The following PARL variants were observed in gnomAD, a reference collection of about 807,000 sequenced individuals.
PARL encodes presenilin associated rhomboid like.
Under a neutral mutation model 51.6 loss-of-function variants are expected in PARL, and 44 were observed. The observed-to-expected ratio is 0.85, with a 90% CI of 0.67 to 1.10. PARL has a LOEUF of 1.10. Ranked by LOEUF, PARL falls within the 50% of genes least tolerant of loss-of-function variation. The probability of loss-of-function intolerance (pLI) is 0.00; values close to 1 mark genes in which losing one functional copy is unlikely to be tolerated. For synonymous variants in PARL, 172 were observed against 164.0 expected, an observed-to-expected ratio of 1.05 and a Z score of -0.37; for missense variants, 441 against 469.5, an observed-to-expected ratio of 0.94 and a Z score of 0.56.
chr3:183,831,492 T>C (rs1446647727), intron 9 of PARL, among the ~76,000 whole-genome samples: 2 of 152,256 alleles, frequency 1.3e-5, no homozygotes, highest in Admixed American at 1.3e-4. Context: ...AATTGTTACT[T>C]GTGTGACCTG....
chr3:183,857,037 A>T (rs1044989804), intron 4 of PARL, among the ~76,000 whole-genome samples: 2 of 152,192 alleles, frequency 1.3e-5, no homozygotes, highest in African/African-American at 4.8e-5. Context: ...GTTAAATAAT[A>T]CTCATTTACA....
At chr3:183,873,461 C>T (rs1034293756) in intron 1 of PARL, among the ~76,000 whole-genome samples, 1 of 152,000 alleles carries the variant, frequency 6.6e-6, no homozygotes, top group Non-Finnish European at 1.5e-5. Flanking sequence ...CTCTCTAGAA[C>T]CCAGGAGGCA....
At chr3:183,872,734 T>C (rs1457450787) in intron 1 of PARL, among the ~76,000 whole-genome samples, 1 of 152,100 alleles carries the variant, frequency 6.6e-6, no homozygotes, top group Non-Finnish European at 1.5e-5. Context: ...AAATGAAACA[T>C]AAGAATTTTT....
rs764308171 is a variant in PARL at position 183,833,810 on chromosome 3, T to C, written c.844A>G (p.Thr282Ala). The C allele has an allele frequency of 6.2e-7, 1 of 1,610,926 alleles. No homozygotes were observed. Among genetic ancestry groups the C allele is most frequent in the South Asian group, 1.1e-5 (1 of 91,042 alleles). The change falls in exon 8 of 10, where the codon ACA becomes GCA. Residue 282 changes from threonine (T) to alanine (A), a missense_variant. Thr to Ala is a moderately conservative substitution (Grantham distance 58, BLOSUM62 0). Coordinates refer to ENST00000317096, the MANE Select transcript of PARL (RefSeq NM_018622.7). ...TTAGTGCAGACAGCTGCGAGGACTGTCATGATGGCACCAGACTGCAAAGTA... is the reference window on the plus strand; with the variant it reads ...TTAGTGCAGACAGCTGCGAGGACTGCCATGATGGCACCAGACTGCAAAGTA... The part of the protein sequence containing the change: ...PSLGASGAIM[T>A]VLAAVCTKIP...
intron 4 of PARL, among the ~76,000 whole-genome samples, chr3:183,852,163 A>G (rs1052514372): frequency 2.0e-5 from 3 of 152,188 alleles, no homozygotes; most frequent in African/African-American, 7.2e-5. Flanking sequence ...TCTCAAAAAA[A>G]TTAAAAACAG....
At chr3:183,846,050 T>C (rs187944810) in intron 4 of PARL, among the ~76,000 whole-genome samples, 3 of 152,108 alleles carry the variant, frequency 2.0e-5, no homozygotes, top group Non-Finnish European at 4.4e-5. Context: ...CTACTCTGCT[T>C]CCTCTGTCAG....
chr3:183,868,016 G>C lies in PARL; in HGVS notation c.170C>G (p.Pro57Arg), dbSNP rs768265570. Residue 57 changes from proline to arginine, a missense_variant, in exon 2 of 10, where the codon CCC becomes CGC. Transcript: ENST00000317096. ...IQQKCGFRKA[P>R]RKVEPRRSDP... ...TGATCTTCGAGGTTCAACCTTCCTG[G>C]GTGCTTTTCTGAATCCGCATTTTTG... 5.0e-6 allele frequency: 8 copies of C among 1,613,924 alleles called. No homozygotes were observed. The highest frequency in any genetic ancestry group is 1.3e-5 in the African/African-American group (1 of 74,878).
chr3:183,860,874 G>C (rs988210038), intron 4 of PARL, among the ~76,000 whole-genome samples: 1 of 146,056 alleles, frequency 6.8e-6, no homozygotes, highest in Non-Finnish European at 1.5e-5. Context: ...GGAGTGCAGT[G>C]GCGCAATCTT....
chr3:183,861,129 A>G, intron 4 of PARL: 3 of 348,176 alleles, frequency 8.6e-6, no homozygotes, highest in Non-Finnish European at 1.2e-5. Flanking sequence ...TTACTTTCAT[A>G]AAAGAAGCAA....
chr3:183,844,043 A>C (rs1729658949), intron 5 of PARL, among the ~76,000 whole-genome samples, 188 bp downstream of exon 5: 1 of 152,202 alleles, frequency 6.6e-6, no homozygotes, highest in Admixed American at 6.5e-5. Flanking sequence ...CGTCTCAAAA[A>C]AAACAAAGAA....
chr3:183,827,296 T>G (rs939270666), downstream of PARL, among the ~76,000 whole-genome samples: 1 of 151,806 alleles, frequency 6.6e-6, no homozygotes, highest in Non-Finnish European at 1.5e-5. Flanking sequence ...TACAAAAAAC[T>G]TTTAAAAATT....
intron 4 of PARL, among the ~76,000 whole-genome samples, chr3:183,853,799 G>C (rs1730823217): frequency 6.6e-6 from 1 of 152,178 alleles, no homozygotes; most frequent in Admixed American, 6.6e-5. Context: ...ACAAATGTTG[G>C]CAAGAATGTG....
In PARL at chr3:183,833,596, G is replaced by A. The variant is rs994483674; in HGVS notation, c.931-7C>T. ...CGATAATGGCTTTCAGGGCCTGAAAGGCAGCAAGAAACAAGCGGCACAACT... is the reference window on the plus strand; with the variant it reads ...CGATAATGGCTTTCAGGGCCTGAAAAGCAGCAAGAAACAAGCGGCACAACT... On this transcript the variant is annotated splice_region_variant and splice_polypyrimidine_tract_variant and intron_variant, in intron 8 of 9. Transcript: ENST00000317096. 6.2e-7 allele frequency: 1 copy of A among 1,604,254 alleles called. No homozygotes were observed. Among genetic ancestry groups the A allele is most frequent in the Non-Finnish European group, 8.5e-7 (1 of 1,170,934 alleles).
At chr3:183,830,725 A>T (rs1365746849) in intron 9 of PARL, among the ~76,000 whole-genome samples, 2 of 152,182 alleles carry the variant, frequency 1.3e-5, no homozygotes, top group Admixed American at 1.3e-4. Flanking sequence ...TTAATATTTT[A>T]AAAATGTTCT....
At chr3:183,878,032 C>A (rs1236909211) in intron 1 of PARL, among the ~76,000 whole-genome samples, 2 of 152,174 alleles carry the variant, frequency 1.3e-5, no homozygotes, top group Non-Finnish European at 2.9e-5. Flanking sequence ...CTCAAGTGAT[C>A]CACCCGCCTT....
chr3:183,865,811 C>T (rs1014134143), intron 3 of PARL, among the ~76,000 whole-genome samples: 6 of 152,106 alleles, frequency 3.9e-5, no homozygotes, highest in Admixed American at 6.5e-5. Context: ...CCACTGAGAT[C>T]CTTAAACTTT....
chr3:183,868,113 A>G, intron 1 of PARL, 53 bp from the exon 2 acceptor site: 1 of 1,304,024 alleles, frequency 7.7e-7, no homozygotes, highest in South Asian at 1.2e-5. Context: ...GCAAATATCA[A>G]CTTCTATGAA....
intron 1 of PARL, among the ~76,000 whole-genome samples, chr3:183,882,365 A>C: frequency 1.4e-5 from 2 of 143,072 alleles, no homozygotes; most frequent in African/African-American, 2.6e-5. Context: ...ATATGCACAT[A>C]TATACACACA....
Position 183,884,856 on chromosome 3 carries a change from C to T in PARL, c.-10G>A, listed in dbSNP as rs1326249638. On this transcript the variant is annotated 5_prime_UTR_variant, in exon 1 of 10. Transcript: ENST00000317096. ...AGCCTCGCCACGCCATCTTCCCAACCTCTGCCCCACCATGGCCCGACCTTA... is the reference window on the plus strand; with the variant it reads ...AGCCTCGCCACGCCATCTTCCCAACTTCTGCCCCACCATGGCCCGACCTTA... 2 of 1,597,098 alleles carry T rather than the reference C, an allele frequency of 1.3e-6. No individual in the cohort carries two copies. The highest frequency in any genetic ancestry group is 3.3e-5 in the Admixed American group (2 of 59,950).
Sources: gnomAD v4.1 joint callset for allele counts (sites outside exome capture counted in the v4.1 genomes callset) on GRCh38, gnomAD v4.1.1 for gene constraint, MANE v1.5 for transcripts, NCBI Gene and HGNC (gene_info 2026-07-23, HGNC 2026-07-21) for gene names.